CSE1L: variants seen among roughly 807,000 people sequenced by gnomAD.
CSE1L encodes exportin-2.
CSE1L carries 24 observed loss-of-function variants against 120.4 expected under a neutral mutation model. The observed-to-expected ratio is 0.20, with a 90% confidence interval of 0.14 to 0.28. The LOEUF is 0.28. Among genes scored for constraint, CSE1L ranks in the 10% least tolerant of loss-of-function variants. The pLI, the probability that CSE1L is intolerant of heterozygous loss-of-function variation, is 1.00. For synonymous variants in CSE1L, 402 were observed against 398.3 expected, an observed-to-expected ratio of 1.01 and a Z score of -0.11; for missense variants, 830 against 1,145.2, an observed-to-expected ratio of 0.72 and a Z score of 3.97.
rs774131561 is a variant in CSE1L, at chr20:49,085,346, C to A, written c.1683C>A (p.Leu561=). ...TGCTAACAAACCTTTTCAAAGCTCT[C>A]ACACTTCCTGGCTCTTCAGAAAATG... ...EILLTNLFKA[L]TLPGSSENEY... The change falls in exon 16 of 25, where the codon CTC becomes CTA. Residue 561 remains leucine (L), a synonymous_variant. Coordinates refer to ENST00000262982, the MANE Select transcript of CSE1L (RefSeq NM_001316.4). 2 of 1,613,928 alleles carry A rather than the reference C, an allele frequency of 1.2e-6. No homozygotes were observed. The highest frequency in any genetic ancestry group is 1.7e-6 in the Non-Finnish European group (2 of 1,179,938).
rs563854131 is a variant in CSE1L at position 49,050,200 on chromosome 20, T to TTTTTATTTTATTTTA, written c.-12+3797_-12+3811dup. ...TCTATTATGTGGTTTTATTTATTTATTTTTATTTTATTTTATTTTATTTTA... is the reference window on the plus strand; with the variant it reads ...TCTATTATGTGGTTTTATTTATTTATTTTTATTTTATTTTATTTTATTTTATTTTATTTTATTTTA... On this transcript the variant is annotated intron_variant, in intron 1 of 24. Transcript: ENST00000262982. Among the ~76,000 whole-genome samples, 394 of 146,540 alleles carry TTTTTATTTTATTTTA rather than the reference T, an allele frequency of 2.7e-3. 3 individuals are homozygous for TTTTTATTTTATTTTA. The highest frequency in any genetic ancestry group is 0.023 in the South Asian group (104 of 4,564).
intron 12 of CSE1L, among the ~76,000 whole-genome samples, chr20:49,076,237 G>A (rs550343157): frequency 1.3e-5 from 2 of 152,220 alleles, no homozygotes; most frequent in South Asian, 4.1e-4. Context: ...GCCCAGGCTG[G>A]AGTGCAATGG....
At position 49,085,349 on chromosome 20, in the gene CSE1L, A is replaced by G. The variant is rs746229068; in HGVS notation, c.1686A>G (p.Thr562=). Residue 562 remains threonine (T), a synonymous_variant, in exon 16 of 25, where the codon ACA becomes ACG. Coordinates refer to ENST00000262982, the MANE Select transcript of CSE1L (RefSeq NM_001316.4). ...TAACAAACCTTTTCAAAGCTCTCAC[A>G]CTTCCTGGCTCTTCAGAAAATGAAT... ...ILLTNLFKAL[T]LPGSSENEYI... The G allele has an allele frequency of 1.9e-6, 3 of 1,613,940 alleles. No individual in the cohort carries two copies. The highest frequency in any genetic ancestry group is 4.5e-5 in the East Asian group (2 of 44,876).
chr20:49,085,239 G>A (rs2092046123), intron 15 of CSE1L, 44 bp from the exon 16 acceptor site: 2 of 1,465,376 alleles, frequency 1.4e-6, no homozygotes, highest in East Asian at 2.3e-5. Context: ...GCAGTGACAA[G>A]CTCAAGAGTT....
chr20:49,059,977 GA>G (rs2123673339), intron 2 of CSE1L, among the ~76,000 whole-genome samples: 1 of 152,140 alleles, frequency 6.6e-6, no homozygotes, highest in South Asian at 2.1e-4. Context: ...TTGAGTCCAG[GA>G]GTTCGAGACC....
At chr20:49,093,564 C>CTTTTTTTTTTTTTTTTT (rs11477256) in intron 22 of CSE1L, among the ~76,000 whole-genome samples, 1 of 117,584 alleles carries the variant, frequency 8.5e-6, no homozygotes, top group Non-Finnish European at 1.7e-5. Flanking sequence ...GCTCCTCTCT[C>CTTTTTTTTTTTTTTTTT]TTTTTTTTTT....
At chr20:49,092,978 G>T (rs2092113268) in intron 22 of CSE1L, among the ~76,000 whole-genome samples, 2 of 152,092 alleles carry the variant, frequency 1.3e-5, no homozygotes, top group African/African-American at 2.4e-5. Context: ...GACTTATCTG[G>T]TATATATGCA....
intron 2 of CSE1L, among the ~76,000 whole-genome samples, chr20:49,059,160 A>C (rs1213813607): frequency 6.6e-6 from 1 of 152,022 alleles, no homozygotes; most frequent in African/African-American, 2.4e-5. Context: ...CTTTAGAGAT[A>C]AAATAATTAG....
At position 49,053,695 on chromosome 20, in the gene CSE1L, A is replaced by G. The variant is rs1202201821; in HGVS notation, c.-11-4758A>G. The stretch of plus-strand genomic sequence containing the variant: ...AACTGATCCACCATTTCAATACAGA[A>G]AAAAGGAATAGGAAAATAAATGGAT... On this transcript the variant is annotated intron_variant, in intron 1 of 24. Transcript: ENST00000262982. 2.0e-5 allele frequency among the ~76,000 whole-genome samples: 3 copies of G among 152,122 alleles called. No individual in the cohort carries two copies. The East Asian group carries it at 5.8e-4, about 29-fold the overall frequency.
At chr20:49,056,883 G>A (rs2091812692) in intron 1 of CSE1L, among the ~76,000 whole-genome samples, 1 of 136,104 alleles carries the variant, frequency 7.3e-6, no homozygotes, top group African/African-American at 2.8e-5. Flanking sequence ...GTGTGTGTGT[G>A]TGTGGTGAAA....
chr20:49,067,067 TGAATTTCG>T (rs1415403070), intron 5 of CSE1L, 115 bp from the exon 6 acceptor site: 11 of 432,948 alleles, frequency 2.5e-5, no homozygotes, highest in Admixed American at 2.0e-4. Context: ...GAATTCCCTT[TGAATTTCG>T]GAATTTCGGA....
intron 1 of CSE1L, among the ~76,000 whole-genome samples, chr20:49,050,569 ATT>A (rs796356337): frequency 7.1e-6 from 1 of 141,706 alleles, no homozygotes; most frequent in Non-Finnish European, 1.6e-5. Context: ...CGCCCGGCTA[ATT>A]TTTTTTTTTT....
chr20:49,062,111 A>G (rs1600595752), intron 2 of CSE1L, among the ~76,000 whole-genome samples: 1 of 152,318 alleles, frequency 6.6e-6, no homozygotes, highest in East Asian at 1.9e-4. Context: ...TTTTCCTCAA[A>G]TCATGGATGT....
intron 12 of CSE1L, among the ~76,000 whole-genome samples, chr20:49,076,461 C>G (rs1220273533): frequency 6.9e-6 from 1 of 145,818 alleles, no homozygotes; most frequent in Non-Finnish European, 1.5e-5. Flanking sequence ...GCTGGGATTA[C>G]AAGCATGAGC....
chr20:49,083,114 T>C (rs2092026948), intron 14 of CSE1L, among the ~76,000 whole-genome samples: 1 of 151,866 alleles, frequency 6.6e-6, no homozygotes, highest in South Asian at 2.1e-4. Context: ...AACCTCCGCC[T>C]CCTGGGTTGA....
chr20:49,081,922 T>C (rs1423634615), intron 14 of CSE1L, among the ~76,000 whole-genome samples: 1 of 152,194 alleles, frequency 6.6e-6, no homozygotes, highest in African/African-American at 2.4e-5. Flanking sequence ...TATGTATACA[T>C]ACATATACAA....
Position 49,089,567 on chromosome 20 carries a change from T to C in CSE1L, c.2002T>C (p.Ser668Pro). 6.2e-7 allele frequency: 1 copy of C among 1,614,220 alleles called. No homozygotes were observed. Among genetic ancestry groups the C allele is most frequent in the Non-Finnish European group, 8.5e-7 (1 of 1,180,028 alleles). The part of the protein sequence containing the change: ...EFIPYVFQVM[S>P]LLLETHKNDI... The stretch of plus-strand genomic sequence containing the variant: ...TATTCCATACGTCTTTCAAGTGATG[T>C]CTTTGCTTCTGGAAACACACAAAAA... Residue 668 changes from serine to proline, a missense_variant, in exon 19 of 25, where the codon TCT becomes CCT. Ser to Pro is a moderately conservative substitution (Grantham distance 74). This residue lies in a region of CSE1L where 168 missense variants were observed against 267.9 expected (regional missense o/e 0.63). Transcript: ENST00000262982.
Position 49,058,554 on chromosome 20 carries a change from G to C in CSE1L, c.85+6G>C. ...TCCTGCCATCCGACGTCCAGGTAAA[G>C]AAAATAAACGTTTTTTGGTTGATTA... On this transcript the variant is annotated splice_donor_region_variant and intron_variant, in intron 2 of 24. Transcript: ENST00000262982. 6.2e-7 allele frequency: 1 copy of C among 1,610,792 alleles called. No homozygotes were observed. The highest frequency in any genetic ancestry group is 1.1e-5 in the South Asian group (1 of 90,862).
At chr20:49,068,270 C>T (rs902117089) in intron 6 of CSE1L, among the ~76,000 whole-genome samples, 1 of 152,022 alleles carries the variant, frequency 6.6e-6, no homozygotes, top group Admixed American at 6.6e-5. Context: ...ACCTATTTTC[C>T]ACAATCTCTT....
Sources: allele counts gnomAD v4.1 joint callset (sites outside exome capture counted in the v4.1 genomes callset), GRCh38; gene constraint gnomAD v4.1.1; regional missense constraint gnomAD v4.1.1; transcripts MANE v1.5; gene names NCBI Gene and HGNC (gene_info 2026-07-23, HGNC 2026-07-21).